The following CACNA1C variants were observed in gnomAD, a reference collection of about 807,000 sequenced individuals.
The protein encoded by CACNA1C is calcium voltage-gated channel subunit alpha1 C.
A neutral mutation model predicts 229.0 loss-of-function variants in CACNA1C; 30 were observed. The observed-to-expected ratio is 0.13, with a 90% CI of 0.10 to 0.18. CACNA1C has a LOEUF of 0.18. Ranked by LOEUF, CACNA1C falls within the 10% of genes least tolerant of loss-of-function variation. The pLI, the probability that CACNA1C is intolerant of heterozygous loss-of-function variation, is 1.00. For synonymous variants in CACNA1C, 1,114 were observed against 1,132.5 expected (o/e 0.98, Z 0.33); for missense variants, 1,658 against 2,845.0 (o/e 0.58, Z 9.49).
At chr12:2,484,362 G>A (rs1000986446) in intron 5 of CACNA1C, among the ~76,000 whole-genome samples, 2 of 152,198 alleles carry the variant, frequency 1.3e-5, no homozygotes, top group Admixed American at 6.5e-5. Context: ...TCTAAAAGAA[G>A]AGCTGTTTTA....
chr12:2,204,024 G>A (rs2097680438), intron 3 of CACNA1C, among the ~76,000 whole-genome samples: 1 of 152,208 alleles, frequency 6.6e-6, no homozygotes. Context: ...TGAATCAGAA[G>A]CAGACGAGGG....
chr12:2,590,565 T>G (rs1162043588), intron 18 of CACNA1C, among the ~76,000 whole-genome samples: 1 of 152,172 alleles, frequency 6.6e-6, no homozygotes, highest in East Asian at 1.9e-4. Context: ...TCTGAGTTTG[T>G]CCTTCAGAAA....
chr12:2,159,698 G>A (rs568225713), intron 3 of CACNA1C, among the ~76,000 whole-genome samples: 16 of 149,860 alleles, frequency 1.1e-4, no homozygotes, highest in Non-Finnish European at 2.2e-4. Context: ...TTCACCTCCC[G>A]GGTTCAAGCA....
rs2059968824 is a variant in CACNA1C, at chr12:2,067,858, C to CA, written c.49+14248dup. Among the ~76,000 whole-genome samples the CA allele has an allele frequency of 6.6e-6, 1 of 152,178 alleles. No homozygotes were observed. Among genetic ancestry groups the CA allele is most frequent in the Non-Finnish European group, 1.5e-5 (1 of 68,042 alleles). ...CACACTGTTCCCACCCCTGTCTTTC[C>CA]ATGCCCTTCCATCCAAACCAAGCCC... is the stretch of plus-strand genomic sequence containing the variant. On this transcript the variant is annotated intron_variant, in intron 1 of 46. Coordinates refer to ENST00000399655, the MANE Select transcript of CACNA1C (RefSeq NM_000719.7). The surrounding 1 kb of genome is among the most constrained non-coding windows in gnomAD (Gnocchi z 5.3).
intron 3 of CACNA1C, among the ~76,000 whole-genome samples, chr12:2,349,532 G>A (rs1402730026): frequency 6.6e-6 from 1 of 152,200 alleles, no homozygotes; most frequent in Non-Finnish European, 1.5e-5. Context: ...GCAAAGCAGA[G>A]AAGAGCTCCC....
chr12:2,063,851 A>G (rs902168510), intron 1 of CACNA1C, among the ~76,000 whole-genome samples: 7 of 152,240 alleles, frequency 4.6e-5, no homozygotes, highest in Non-Finnish European at 7.3e-5. Context: ...AATGAACACC[A>G]GTATTCAAGT....
intron 3 of CACNA1C, among the ~76,000 whole-genome samples, chr12:2,351,724 G>T (rs752918823): frequency 1.3e-5 from 2 of 152,198 alleles, no homozygotes; most frequent in African/African-American, 2.4e-5. Flanking sequence ...AGCATTGCAC[G>T]CCTGTGTCCT....
intron 29 of CACNA1C, among the ~76,000 whole-genome samples, chr12:2,624,197 A>G (rs1483987626): frequency 6.6e-6 from 1 of 152,208 alleles, no homozygotes; most frequent in Non-Finnish European, 1.5e-5. Flanking sequence ...TGTTCTACAG[A>G]ACACAGTTCT....
intron 3 of CACNA1C, among the ~76,000 whole-genome samples, chr12:2,281,251 A>G (rs2091176865): frequency 6.6e-6 from 1 of 151,922 alleles, no homozygotes; most frequent in Admixed American, 6.6e-5. Flanking sequence ...GCTGCCATAC[A>G]TGCTAATTGT....
rs2072044620 is a variant in CACNA1C at position 2,601,287 on chromosome 12, A to G, written c.2854-567A>G. The stretch of plus-strand genomic sequence containing the variant: ...AGGCACCAGGGTGACCAGCTGGCCT[A>G]GTTTGCCTAAGACTGAGGAGTTTTC... On this transcript the variant is annotated intron_variant, in intron 21 of 46. Transcript: ENST00000399655. The surrounding 1 kb of genome is among the most constrained non-coding windows in gnomAD (Gnocchi z 5.9). Among the ~76,000 whole-genome samples the G allele has an allele frequency of 6.6e-6, 1 of 152,174 alleles. No individual in the cohort carries two copies. Among genetic ancestry groups the G allele is most frequent in the South Asian group, 2.1e-4 (1 of 4,832 alleles).
At chr12:2,588,141 C>T (rs1224724932) in intron 18 of CACNA1C, among the ~76,000 whole-genome samples, 2 of 152,198 alleles carry the variant, frequency 1.3e-5, no homozygotes, top group African/African-American at 4.8e-5. Context: ...GAGACTCCTC[C>T]GAAGATCACG....
chr12:2,298,401 C>T (rs934241587), intron 3 of CACNA1C, among the ~76,000 whole-genome samples: 10 of 152,130 alleles, frequency 6.6e-5, no homozygotes, highest in Admixed American at 2.6e-4. Flanking sequence ...AGGATTCAAG[C>T]GATTCTTGTG....
rs1001059702 is a variant in CACNA1C at position 2,479,147 on chromosome 12, G to T, written c.758-6957G>T. On this transcript the variant is annotated intron_variant, in intron 5 of 46. Transcript: ENST00000399655. This position sits in a 1 kb window ranked among gnomAD's most constrained non-coding sequence, Gnocchi z 4.3. ...TCAAGGGCAGTTATGGGGCTCGGTG[G>T]GCACAGTAAGGACAGTGCCCTTCAC... Among the ~76,000 whole-genome samples, 1 of 151,954 alleles carries T rather than the reference G, an allele frequency of 6.6e-6. No individual in the cohort carries two copies. Among genetic ancestry groups the T allele is most frequent in the African/African-American group, 2.4e-5 (1 of 41,392 alleles).
intron 21 of CACNA1C, among the ~76,000 whole-genome samples, chr12:2,598,881 GT>G (rs1252676540): frequency 1.3e-5 from 2 of 152,172 alleles, no homozygotes; most frequent in Non-Finnish European, 2.9e-5. Context: ...TTTTCTGCTC[GT>G]GGAGAGTAGA....
intron 1 of CACNA1C, among the ~76,000 whole-genome samples, chr12:2,042,006 G>A (rs1320244480): frequency 2.0e-5 from 3 of 152,176 alleles, no homozygotes; most frequent in African/African-American, 7.2e-5. Flanking sequence ...TGTAAATGAT[G>A]CAATTTCTGG....
chr12:2,304,538 G>T (rs926317540), intron 3 of CACNA1C, among the ~76,000 whole-genome samples: 5 of 152,152 alleles, frequency 3.3e-5, no homozygotes, highest in African/African-American at 1.2e-4. Flanking sequence ...GAGCAGGGCT[G>T]GATTAACTGG....
At chr12:2,529,792 T>C (rs917128435) in intron 9 of CACNA1C, among the ~76,000 whole-genome samples, 10 of 152,226 alleles carry the variant, frequency 6.6e-5, no homozygotes, top group African/African-American at 2.4e-4. Context: ...TTCAAACCTG[T>C]CCACGGAAGT....
chr12:2,572,640 T>C (rs866360345), intron 13 of CACNA1C, among the ~76,000 whole-genome samples: 415 of 41,138 alleles, frequency 0.01, no homozygotes, highest in African/African-American at 0.038. Context: ...TCCTCCTCCT[T>C]CTCCTCTTCC....
chr12:2,352,266 C>T (rs1252423526), intron 3 of CACNA1C, among the ~76,000 whole-genome samples: 2 of 152,212 alleles, frequency 1.3e-5, no homozygotes, highest in Admixed American at 6.5e-5. Flanking sequence ...TTGACGAGGT[C>T]TCCTAGGCTG....
Sources: allele counts gnomAD v4.1 joint callset (sites outside exome capture counted in the v4.1 genomes callset), GRCh38; gene constraint gnomAD v4.1.1; non-coding constraint Gnocchi (gnomAD v3.1); transcripts MANE v1.5; gene names NCBI Gene and HGNC (gene_info 2026-07-23, HGNC 2026-07-21).